Variants in CALN1 observed in about 807,000 individuals in gnomAD.
CALN1 encodes calneuron 1, also known as calcium-binding protein 8.
In CALN1, 17 loss-of-function variants were observed where a neutral mutation model predicts 30.6. The observed-to-expected ratio is 0.56, with a 90% CI of 0.38 to 0.83. The LOEUF (loss-of-function observed/expected upper bound fraction) is 0.83. Ranked by LOEUF, CALN1 falls within the 40% of genes least tolerant of loss-of-function variation. The pLI is 0.00. For missense variants in CALN1, 291 were observed against 354.9 expected, an observed-to-expected ratio of 0.82 and a Z score of 1.45; for synonymous variants, 156 against 131.4, an observed-to-expected ratio of 1.19 and a Z score of -1.28.
chr7:71,808,337 A>G (rs996915553), intron 6 of CALN1, among the ~76,000 whole-genome samples: 2 of 151,686 alleles, frequency 1.3e-5, no homozygotes, highest in African/African-American at 4.8e-5. Flanking sequence ...ACTTAAAATT[A>G]TTAATTAACC....
intron 4 of CALN1, among the ~76,000 whole-genome samples, chr7:72,099,947 T>C (rs1401624328): frequency 6.6e-6 from 1 of 152,074 alleles, no homozygotes; most frequent in African/African-American, 2.4e-5. Flanking sequence ...TGTAGTCTCT[T>C]AAACCGCATA....
intron 5 of CALN1, among the ~76,000 whole-genome samples, chr7:71,969,179 T>C (rs1191762206): frequency 1.3e-5 from 2 of 152,182 alleles, no homozygotes; most frequent in African/African-American, 4.8e-5. Flanking sequence ...GAAATGGTTA[T>C]ACAGCACTTC....
intron 5 of CALN1, among the ~76,000 whole-genome samples, chr7:71,813,695 C>T (rs369622379): frequency 7.1e-4 from 108 of 152,134 alleles, no homozygotes; most frequent in Non-Finnish European, 1.1e-3. Flanking sequence ...TTTGGGAGGC[C>T]GAGGCTGGCG....
chr7:72,101,894 T>C (rs1806694598), intron 4 of CALN1, among the ~76,000 whole-genome samples: 1 of 152,196 alleles, frequency 6.6e-6, no homozygotes, highest in South Asian at 2.1e-4. Flanking sequence ...GGAAAGGGTA[T>C]GTGTTAACAA....
chr7:72,101,826 C>A (rs1806688555), intron 4 of CALN1, among the ~76,000 whole-genome samples: 1 of 152,122 alleles, frequency 6.6e-6, no homozygotes, highest in African/African-American at 2.4e-5. Flanking sequence ...TCAACCTGGG[C>A]ACGCCAAAAG....
At position 71,852,243 on chromosome 7, in the gene CALN1, C is replaced by G. The variant is rs765294740; in HGVS notation, c.502-41751G>C. Among the ~76,000 whole-genome samples, 8 of 152,238 alleles carry G rather than the reference C, an allele frequency of 5.3e-5. No homozygotes were observed. The East Asian group carries it at 1.3e-3, about 26-fold the overall frequency. Reference sequence around the variant, plus strand: ...TTACGATCAAGACTCCATGAACAATCTTGTACACATCATTTTACGGACATA... The same window carrying G: ...TTACGATCAAGACTCCATGAACAATGTTGTACACATCATTTTACGGACATA... On this transcript the variant is annotated intron_variant, in intron 5 of 6. Transcript: ENST00000395275.
chr7:71,978,464 C>T (rs532689283), intron 5 of CALN1, among the ~76,000 whole-genome samples: 2 of 151,642 alleles, frequency 1.3e-5, no homozygotes, highest in South Asian at 2.1e-4. Context: ...TTAGTAGAGA[C>T]GGGGTTTCAC....
chr7:72,339,099 A>G (rs572715937), intron 2 of CALN1, among the ~76,000 whole-genome samples: 1 of 151,934 alleles, frequency 6.6e-6, no homozygotes, highest in South Asian at 2.1e-4. Flanking sequence ...GGTTTATTTT[A>G]CTTAACATAA....
At chr7:72,176,564 C>T in intron 3 of CALN1, among the ~76,000 whole-genome samples, 1 of 152,118 alleles carries the variant, frequency 6.6e-6, no homozygotes, top group East Asian at 1.9e-4. Flanking sequence ...AACATGCTGG[C>T]TCCTCATCAC....
chr7:72,384,763 T>C (rs1185948494), intron 2 of CALN1, among the ~76,000 whole-genome samples: 2 of 152,106 alleles, frequency 1.3e-5, no homozygotes, highest in Admixed American at 1.3e-4. Flanking sequence ...GGTGGTGAGC[T>C]TTCAGATAAA....
intron 5 of CALN1, among the ~76,000 whole-genome samples, chr7:71,938,462 G>C (rs183336389): frequency 6.6e-6 from 1 of 152,208 alleles, no homozygotes; most frequent in Non-Finnish European, 1.5e-5. Context: ...GTGTGTCTGA[G>C]AGTGGGGCGG....
chr7:71,872,035 A>C (rs1299378240), intron 5 of CALN1, among the ~76,000 whole-genome samples: 1 of 152,158 alleles, frequency 6.6e-6, no homozygotes, highest in African/African-American at 2.4e-5. Context: ...CAATAAGATA[A>C]CTTTTAATGT....
At chr7:72,253,306 A>G (rs1795690018) in intron 3 of CALN1, among the ~76,000 whole-genome samples, 1 of 152,242 alleles carries the variant, frequency 6.6e-6, no homozygotes, top group Non-Finnish European at 1.5e-5. Context: ...TATTACCTCT[A>G]TGGAACTGAT....
At chr7:71,964,131 T>C (rs996126739) in intron 5 of CALN1, among the ~76,000 whole-genome samples, 3 of 152,228 alleles carry the variant, frequency 2.0e-5, no homozygotes, top group Non-Finnish European at 4.4e-5. Context: ...ATACTTTGGC[T>C]TACGCATTCC....
chr7:71,950,357 G>C (rs1308542001), intron 5 of CALN1, among the ~76,000 whole-genome samples: 1 of 152,130 alleles, frequency 6.6e-6, no homozygotes, highest in Non-Finnish European at 1.5e-5. Context: ...TACATGGAAG[G>C]GTTGAGAATA....
chr7:72,316,989 A>AAAAGGAAAGG (rs141891894), intron 2 of CALN1, among the ~76,000 whole-genome samples: 6 of 150,066 alleles, frequency 4.0e-5, no homozygotes, highest in Non-Finnish European at 7.4e-5. Flanking sequence ...AAAGGAAAAA[A>AAAAGGAAAGG]AAAGGAAAGG....
At chr7:72,238,119 G>A (rs1487736904) in intron 3 of CALN1, among the ~76,000 whole-genome samples, 1 of 152,146 alleles carries the variant, frequency 6.6e-6, no homozygotes, top group East Asian at 1.9e-4. Context: ...AGGGTCTGCA[G>A]GTGTTCACCT....
intron 3 of CALN1, among the ~76,000 whole-genome samples, chr7:72,197,716 C>T (rs1205279579): frequency 6.6e-6 from 1 of 151,992 alleles, no homozygotes; most frequent in African/African-American, 2.4e-5. Context: ...ATTAGCCAGG[C>T]AAGATGGTGC....
chr7:72,242,306 T>C (rs1323496933), intron 3 of CALN1, among the ~76,000 whole-genome samples: 2 of 152,138 alleles, frequency 1.3e-5, no homozygotes, highest in Non-Finnish European at 2.9e-5. Context: ...TGAACATAGA[T>C]GTGCACATAT....
Sources: gnomAD v4.1 joint callset for allele counts (sites outside exome capture counted in the v4.1 genomes callset) on GRCh38, gnomAD v4.1.1 for gene constraint, MANE v1.5 for transcripts, NCBI Gene and HGNC (gene_info 2026-07-23, HGNC 2026-07-21) for gene names.